Variants in PPM1G observed in about 807,000 individuals in gnomAD.
The protein encoded by PPM1G is protein phosphatase, Mg2+/Mn2+ dependent 1G, also known as protein phosphatase 1G.
A neutral mutation model predicts 59.4 loss-of-function variants in PPM1G; 12 were observed. That is an observed-to-expected ratio of 0.20 (90% CI 0.13 to 0.33). The LOEUF (loss-of-function observed/expected upper bound fraction) is 0.33, where lower values mean the gene tolerates loss of function less well. Among genes scored for constraint, PPM1G ranks in the 10% least tolerant of loss-of-function variants. The pLI, the probability that PPM1G is intolerant of heterozygous loss-of-function variation, is 1.00. For synonymous variants in PPM1G, 245 were observed against 251.9 expected (o/e 0.97, Z 0.26); for missense variants, 392 against 681.3 (o/e 0.58, Z 4.73).
At position 27,385,003 on chromosome 2, in the gene PPM1G, G is replaced by A. The variant is rs773935463; in HGVS notation, c.495C>T (p.His165=). 2 of 1,614,170 alleles carry A rather than the reference G, an allele frequency of 1.2e-6. No homozygotes were observed. Among genetic ancestry groups the A allele is most frequent in the Non-Finnish European group, 1.7e-6 (2 of 1,180,044 alleles). ...ELLTRYGQNC[H]KGPPHSKSGG... ...CAGATTTGCTGTGGGGAGGGCCCTT[G>A]TGACAGTTCTGCCCGTAGCGTGTCA... The change falls in exon 5 of 10, where the codon CAC becomes CAT. Residue 165 remains histidine (H), a synonymous_variant. Transcript: ENST00000344034. The surrounding 1 kb of genome is among the most constrained non-coding windows in gnomAD (Gnocchi z 4.1).
intron 1 of PPM1G, among the ~76,000 whole-genome samples, chr2:27,391,472 C>A (rs182039262): frequency 1.1e-4 from 16 of 152,142 alleles, no homozygotes; most frequent in Non-Finnish European, 2.4e-4. Flanking sequence ...GCCACATGTA[C>A]GTCTTTTGAG....
Position 27,384,161 on chromosome 2 carries a change from GA to G in PPM1G, c.826-70del. 6.2e-7 allele frequency: 1 copy of G among 1,604,928 alleles called. No homozygotes were observed. The highest frequency in any genetic ancestry group is 8.5e-7 in the Non-Finnish European group (1 of 1,175,896). ...CCTCCCTCCCCACAGCTCATACTCA[GA>G]ATCAAGAGGTCCTGACTGAACACAG... is the stretch of plus-strand genomic sequence containing the variant. On this transcript the variant is annotated intron_variant, in intron 5 of 9. Transcript: ENST00000344034. The surrounding 1 kb of genome is among the most constrained non-coding windows in gnomAD (Gnocchi z 4.8).
chr2:27,381,582 A>AG lies in PPM1G; in HGVS notation c.*16dup, dbSNP rs1683631569. 9 of 1,614,068 alleles carry AG rather than the reference A, an allele frequency of 5.6e-6. No individual in the cohort carries two copies. The highest frequency in any genetic ancestry group is 7.6e-6 in the Non-Finnish European group (9 of 1,179,956). ...GGCTCAGAAAACAGTCTAGGTGGGC[A>AG]GGGGTCTGGATGACTGCTAGTCTCG... On this transcript the variant is annotated 3_prime_UTR_variant, in exon 10 of 10. Coordinates refer to ENST00000344034, the MANE Select transcript of PPM1G (RefSeq NM_177983.3).
chr2:27,397,571 GTAGAC>G (rs941986138), intron 1 of PPM1G, among the ~76,000 whole-genome samples: 1 of 152,124 alleles, frequency 6.6e-6, no homozygotes, highest in African/African-American at 2.4e-5. Flanking sequence ...TAGCGTATCG[GTAGAC>G]TAAAGAACAA....
chr2:27,402,574 A>G (rs1369078154), intron 1 of PPM1G, among the ~76,000 whole-genome samples: 1 of 152,056 alleles, frequency 6.6e-6, no homozygotes, highest in Non-Finnish European at 1.5e-5. Context: ...TGGGAGGCCG[A>G]TGTGGGTGGA....
rs1196918908 is a variant in PPM1G, at chr2:27,381,725, G to A, written c.1515C>T (p.Phe505=). The change falls in exon 10 of 10, where the codon TTC becomes TTT. Residue 505 remains phenylalanine, a synonymous_variant. Transcript: ENST00000344034. ...GGAGCTCTGCTGTGTTTCGGGGCTT[G>A]AAGCAAATGATGATGCAGGTCATGT... The part of the protein sequence containing the change: ...CDNMTCIIIC[F]KPRNTAELQP... 1 of 1,613,844 alleles carries A rather than the reference G, an allele frequency of 6.2e-7. No homozygotes were observed. Among genetic ancestry groups the A allele is most frequent in the East Asian group, 2.2e-5 (1 of 44,884 alleles).
intron 1 of PPM1G, among the ~76,000 whole-genome samples, chr2:27,403,846 T>G (rs1212924821): frequency 5.3e-5 from 8 of 151,012 alleles, no homozygotes; most frequent in Admixed American, 4.6e-4. Flanking sequence ...ACCACTGCAC[T>G]CTAGACTGGG....
At chr2:27,407,033 T>C (rs1337736968) in intron 1 of PPM1G, among the ~76,000 whole-genome samples, 1 of 151,682 alleles carries the variant, frequency 6.6e-6, no homozygotes, top group African/African-American at 2.4e-5. Flanking sequence ...TGGCACGATC[T>C]TGGCTCACTG....
In PPM1G at chr2:27,381,781, C is replaced by A. The variant is rs768252204; in HGVS notation, c.1459G>T (p.Asp487Tyr). 1 of 1,613,006 alleles carries A rather than the reference C, an allele frequency of 6.2e-7. No individual in the cohort carries two copies. The highest frequency in any genetic ancestry group is 8.5e-7 in the Non-Finnish European group (1 of 1,179,984). Residue 487 changes from aspartate to tyrosine, a missense_variant, in exon 10 of 10, where the codon GAC becomes TAC. Physicochemically the swap from Asp to Tyr is radical, Grantham distance 160. This residue lies in a region of PPM1G where 29 missense variants were observed against 38.9 expected (regional missense o/e 0.75). Coordinates refer to ENST00000344034, the MANE Select transcript of PPM1G (RefSeq NM_177983.3). Reference protein sequence around the residue: ...EELLDQCLAPDTSGDGTGCDN... With the variant: ...EELLDQCLAPYTSGDGTGCDN... ...CACCCTGTACCATCCCCAGAAGTGT[C>A]TGGTGCCAGGCACTGATCCAGCAGC...
rs776801727 is a variant in PPM1G, at chr2:27,387,080, T to TA, written c.190+8dup. The TA allele has an allele frequency of 1.2e-6, 2 of 1,603,684 alleles. No homozygotes were observed. The highest frequency in any genetic ancestry group is 2.7e-5 in the African/African-American group (2 of 74,768). ...CTAGAATGTTACCAATATGATCTGT[T>TA]AAAGTTACCTCCATGTCCATCGTAG... is the stretch of plus-strand genomic sequence containing the variant. On this transcript the variant is annotated intron_variant, in intron 2 of 9. Coordinates refer to ENST00000344034, the MANE Select transcript of PPM1G (RefSeq NM_177983.3).
At chr2:27,394,662 C>T (rs570412674) in intron 1 of PPM1G, among the ~76,000 whole-genome samples, 6 of 145,342 alleles carry the variant, frequency 4.1e-5, no homozygotes, top group East Asian at 4.2e-4. Flanking sequence ...ACCCGGGAGG[C>T]GGACCAGGAG....
chr2:27,393,463 A>T (rs1035290618), intron 1 of PPM1G: 26 of 821,144 alleles, frequency 3.2e-5, no homozygotes, highest in Non-Finnish European at 4.6e-5. Flanking sequence ...GGCATGGTGA[A>T]GAGGTGACGG....
In PPM1G at chr2:27,383,204, C is replaced by A. The variant is rs995348125; in HGVS notation, c.1201+162G>T. On this transcript the variant is annotated intron_variant, in intron 7 of 9. Coordinates refer to ENST00000344034, the MANE Select transcript of PPM1G (RefSeq NM_177983.3). The surrounding 1 kb of genome is among the most constrained non-coding windows in gnomAD (Gnocchi z 5.0). ...ATAATGATACCTATGTATAATGATACCTCTACCCATCTTAGTTATTTCACA... is the reference window on the plus strand; with the variant it reads ...ATAATGATACCTATGTATAATGATAACTCTACCCATCTTAGTTATTTCACA... Among the ~76,000 whole-genome samples, 12 of 152,130 alleles carry A rather than the reference C, an allele frequency of 7.9e-5. No homozygotes were observed. The highest frequency in any genetic ancestry group is 1.5e-4 in the Non-Finnish European group (10 of 68,016).
Position 27,383,893 on chromosome 2 carries a change from AG to A in PPM1G, c.966+58del. 9.7e-6 allele frequency: 15 copies of A among 1,545,814 alleles called. No homozygotes were observed. In the South Asian group the frequency reaches 1.7e-4, roughly 17 times the overall value. On this transcript the variant is annotated intron_variant, in intron 6 of 9. Coordinates refer to ENST00000344034, the MANE Select transcript of PPM1G (RefSeq NM_177983.3). This position sits in a 1 kb window ranked among gnomAD's most constrained non-coding sequence, Gnocchi z 5.0. ...GATCCCCTGTCTCAAAATCAAAATTAGGGGATTCACACCTGCCTTGTGGCTT... is the reference window on the plus strand; with the variant it reads ...GATCCCCTGTCTCAAAATCAAAATTAGGGATTCACACCTGCCTTGTGGCTT...
Position 27,384,840 on chromosome 2 carries a change from G to A in PPM1G, c.658C>T (p.Arg220Cys), listed in dbSNP as rs766100053. 5.6e-6 allele frequency: 9 copies of A among 1,614,210 alleles called. No individual in the cohort carries two copies. Among genetic ancestry groups the A allele is most frequent in the Admixed American group, 5.0e-5 (3 of 60,024 alleles). Residue 220 changes from arginine to cysteine, a missense_variant, in exon 5 of 10, where the codon CGT (arginine) becomes TGT (cysteine). Physicochemically the swap from Arg to Cys is radical, Grantham distance 180 (BLOSUM62 -3). This residue lies in a region of PPM1G where 188 missense variants were observed against 248.8 expected (regional missense o/e 0.76). Transcript: ENST00000344034. This position sits in a 1 kb window ranked among gnomAD's most constrained non-coding sequence, Gnocchi z 4.8. ...AYTGFSSNSE[R>C]GTEAGQVGEP... is the part of the protein sequence containing the mutation. ...CCAACTTGGCCTGCCTCAGTCCCAC[G>A]TTCCGAGTTGGAGGAAAAGCCTGTG... is the stretch of plus-strand genomic sequence containing the variant.
chr2:27,381,698 C>T lies in PPM1G; in HGVS notation c.1542G>A (p.Gln514=). The T allele has an allele frequency of 6.2e-7, 1 of 1,614,044 alleles. No individual in the cohort carries two copies. The highest frequency in any genetic ancestry group is 8.5e-7 in the Non-Finnish European group (1 of 1,180,010). ...CFKPRNTAEL[Q]PESGKRKLEE... is the part of the protein sequence containing the mutation. ...CTAGTTTTCGCTTGCCACTCTCTGG[C>T]TGGAGCTCTGCTGTGTTTCGGGGCT... The change falls in exon 10 of 10, where the codon CAG becomes CAA. Residue 514 remains glutamine (Q), a synonymous_variant. Coordinates refer to ENST00000344034, the MANE Select transcript of PPM1G (RefSeq NM_177983.3).
intron 1 of PPM1G, among the ~76,000 whole-genome samples, chr2:27,391,193 G>A (rs149689386): frequency 2.0e-5 from 3 of 152,274 alleles, no homozygotes; most frequent in African/African-American, 7.2e-5. Context: ...TCCTTTGGCC[G>A]TATATCCAGC....
At position 27,385,096 on chromosome 2, in the gene PPM1G, G is replaced by A. The variant is rs376154589; in HGVS notation, c.410-8C>T. 1 of 1,584,016 alleles carries A rather than the reference G, an allele frequency of 6.3e-7. No homozygotes were observed. Among genetic ancestry groups the A allele is most frequent in the East Asian group, 2.2e-5 (1 of 44,738 alleles). On this transcript the variant is annotated splice_polypyrimidine_tract_variant and splice_region_variant and intron_variant, in intron 4 of 9. Transcript: ENST00000344034. The surrounding 1 kb of genome is among the most constrained non-coding windows in gnomAD (Gnocchi z 4.1). Reference sequence around the variant, plus strand: ...CAGCCTCCTCATTGTCCACTGCAGGGAAGAGGCTAAATCAGAGCCCCCATG... The same window carrying A: ...CAGCCTCCTCATTGTCCACTGCAGGAAAGAGGCTAAATCAGAGCCCCCATG...
intron 1 of PPM1G, among the ~76,000 whole-genome samples, chr2:27,391,355 T>C (rs978640358): frequency 6.6e-6 from 1 of 152,234 alleles, no homozygotes; most frequent in Admixed American, 6.5e-5. Flanking sequence ...TCTCATTTTT[T>C]GACATTTTAA....
Sources: gnomAD v4.1 joint callset for allele counts (sites outside exome capture counted in the v4.1 genomes callset) on GRCh38, gnomAD v4.1.1 for gene constraint, gnomAD v4.1.1 regional missense constraint, Gnocchi (gnomAD v3.1) non-coding constraint, MANE v1.5 for transcripts, NCBI Gene and HGNC (gene_info 2026-07-23, HGNC 2026-07-21) for gene names.